The following JDP2 variants were observed in gnomAD, a reference collection of about 807,000 sequenced individuals.
The protein encoded by JDP2 is progesterone receptor co-activator.
Under a neutral mutation model 17.1 loss-of-function variants are expected in JDP2, and 9 were observed. The observed-to-expected ratio is 0.53, with a 90% CI of 0.32 to 0.92. The LOEUF is 0.92. Ranked by LOEUF, JDP2 falls within the 40% of genes least tolerant of loss-of-function variation. The pLI, the probability that JDP2 is intolerant of heterozygous loss-of-function variation, is 0.04. For missense variants in JDP2, 179 were observed against 220.0 expected, an observed-to-expected ratio of 0.81 and a Z score of 1.18; for synonymous variants, 107 against 95.6, an observed-to-expected ratio of 1.12 and a Z score of -0.69.
chr14:75,434,133 C>T (rs545024895), intron 1 of JDP2, among the ~76,000 whole-genome samples: 15 of 152,308 alleles, frequency 9.8e-5, no homozygotes, highest in African/African-American at 3.4e-4. Context: ...GGTGCTGCCA[C>T]CTCCACTGCC....
chr14:75,435,009 C>G (rs1272566032), intron 1 of JDP2, among the ~76,000 whole-genome samples: 1 of 152,246 alleles, frequency 6.6e-6, no homozygotes, highest in Non-Finnish European at 1.5e-5. Flanking sequence ...GGGCAACAAC[C>G]AGCCCTGACT....
chr14:75,431,981 G>C (rs1222715363), intron 1 of JDP2, among the ~76,000 whole-genome samples: 1 of 152,246 alleles, frequency 6.6e-6, no homozygotes, highest in Non-Finnish European at 1.5e-5. Flanking sequence ...TACAGCTGAG[G>C]AAAGAGAGGC....
rs374061598 is a variant in JDP2, at chr14:75,469,433, G to C, written c.450G>C (p.Glu150Asp). 15 of 1,614,104 alleles carry C rather than the reference G, an allele frequency of 9.3e-6. No individual in the cohort carries two copies. Among genetic ancestry groups the C allele is most frequent in the Non-Finnish European group, 1.3e-5 (15 of 1,180,004 alleles). Residue 150 changes from glutamate (E) to aspartate (D), a missense_variant, in exon 4 of 4, where the codon GAG (glutamate) becomes GAC (aspartate). Coordinates refer to ENST00000651602, the MANE Select transcript of JDP2 (RefSeq NM_001135048.2). The part of the protein sequence containing the change: ...IVRTDSVKTP[E>D]SEGNPLLEQL... The stretch of plus-strand genomic sequence containing the variant: ...GGACCGACAGTGTCAAGACCCCCGA[G>C]TCAGAAGGCAACCCACTGCTCGAGC...
chr14:75,440,855 C>T (rs571270088), intron 2 of JDP2, among the ~76,000 whole-genome samples: 2 of 152,338 alleles, frequency 1.3e-5, no homozygotes, highest in Admixed American at 6.5e-5. Context: ...GTTATACCCA[C>T]ATTACAGATG....
intron 3 of JDP2, among the ~76,000 whole-genome samples, chr14:75,462,420 T>C (rs1886381997): frequency 6.6e-6 from 1 of 152,184 alleles, no homozygotes; most frequent in African/African-American, 2.4e-5. Context: ...TAAAGTTGGG[T>C]GCTGTGCTGA....
At chr14:75,441,222 G>T (rs761158654) in intron 2 of JDP2, among the ~76,000 whole-genome samples, 1 of 152,178 alleles carries the variant, frequency 6.6e-6, no homozygotes, top group Non-Finnish European at 1.5e-5. Flanking sequence ...TGTTTGCCTT[G>T]CAGAGGCCAG....
At chr14:75,451,373 G>A (rs563463450) in intron 2 of JDP2, among the ~76,000 whole-genome samples, 3 of 151,894 alleles carry the variant, frequency 2.0e-5, no homozygotes, top group East Asian at 1.9e-4. Flanking sequence ...GATGGCTGGC[G>A]TGATCAAAAT....
At position 75,469,687 on chromosome 14, in the gene JDP2, C is replaced by T. The variant is rs1244267519; in HGVS notation, c.*212C>T. 20 of 557,698 alleles carry T rather than the reference C, an allele frequency of 3.6e-5. No homozygotes were observed. Among genetic ancestry groups the T allele is most frequent in the African/African-American group, 2.7e-4 (14 of 52,686 alleles). 34.5% of individuals were successfully genotyped at this position (557,698 alleles called of 1,614,324 possible). A position where few individuals can be genotyped will look rare whatever the true frequency, so the allele number is the denominator to read the frequency against. ...GCTGAGGAAACCCAGAGGGACCAAG[C>T]GCTGAGACCAAAGTTGACCCTCGGG... On this transcript the variant is annotated 3_prime_UTR_variant, in exon 4 of 4. Transcript: ENST00000651602.
In JDP2 at chr14:75,438,046, C is replaced by G; in HGVS notation, c.126C>G (p.Asn42Lys). ...AGCTGAAATACGCTGACATCCGCAA[C>G]CTCGGGGCCATGATTGCACCCTTGC... is the stretch of plus-strand genomic sequence containing the variant. Reference protein sequence around the residue: ...VEELKYADIRNLGAMIAPLHF... With the variant: ...VEELKYADIRKLGAMIAPLHF... Residue 42 changes from asparagine to lysine, a missense_variant, in exon 2 of 4, where the codon AAC (asparagine) becomes AAG (lysine). Transcript: ENST00000651602. The G allele has an allele frequency of 6.2e-7, 1 of 1,614,038 alleles. No individual in the cohort carries two copies. Among genetic ancestry groups the G allele is most frequent in the Non-Finnish European group, 8.5e-7 (1 of 1,179,968 alleles).
Position 75,430,535 on chromosome 14 carries a change from T to G in JDP2, c.-24+2283T>G, listed in dbSNP as rs930509201. ...AGGCAGGGGAGGGCAGCAGGCACAT[T>G]ATTTTTCCATTTTCCTTTAATTAAG... On this transcript the variant is annotated intron_variant, in intron 1 of 3. Coordinates refer to ENST00000651602, the MANE Select transcript of JDP2 (RefSeq NM_001135048.2). The surrounding 1 kb of genome is among the most constrained non-coding windows in gnomAD (Gnocchi z 4.5). Among the ~76,000 whole-genome samples the G allele has an allele frequency of 1.3e-5, 2 of 152,096 alleles. No individual in the cohort carries two copies. Among genetic ancestry groups the G allele is most frequent in the Non-Finnish European group, 2.9e-5 (2 of 68,022 alleles).
chr14:75,448,305 G>C (rs866871146), intron 2 of JDP2, among the ~76,000 whole-genome samples: 1 of 152,202 alleles, frequency 6.6e-6, no homozygotes. Context: ...TAGAAGTGCA[G>C]ATTCTTGGGT....
At chr14:75,467,366 G>T (rs1886608280) in intron 3 of JDP2, among the ~76,000 whole-genome samples, 1 of 152,152 alleles carries the variant, frequency 6.6e-6, no homozygotes, top group Admixed American at 6.5e-5. Context: ...TGAACCCTGG[G>T]TGGCTGTTGG....
At chr14:75,440,481 T>A (rs1885291915) in intron 2 of JDP2, among the ~76,000 whole-genome samples, 1 of 152,238 alleles carries the variant, frequency 6.6e-6, no homozygotes, top group South Asian at 2.1e-4. Flanking sequence ...CATATTGGCA[T>A]TTTAGACTAG....
At chr14:75,461,599 G>T (rs1886351687) in intron 3 of JDP2, 69 bp downstream of exon 3, 7 of 1,201,752 alleles carry the variant, frequency 5.8e-6, no homozygotes, top group Non-Finnish European at 8.4e-6. Context: ...TGGACCAGGA[G>T]AGGCCATCAG....
At chr14:75,431,599 C>T (rs576631753) in intron 1 of JDP2, among the ~76,000 whole-genome samples, 18 of 152,324 alleles carry the variant, frequency 1.2e-4, no homozygotes, top group African/African-American at 4.1e-4. Context: ...TAGAGGAAAC[C>T]GAGGCCGAGG....
intron 2 of JDP2, among the ~76,000 whole-genome samples, chr14:75,459,417 C>T (rs540629446): frequency 1.3e-5 from 2 of 152,108 alleles, no homozygotes; most frequent in African/African-American, 2.4e-5. Context: ...GTTGACGAGG[C>T]GCCTCTGCAG....
At chr14:75,441,153 G>C (rs759562210) in intron 2 of JDP2, among the ~76,000 whole-genome samples, 1 of 152,124 alleles carries the variant, frequency 6.6e-6, no homozygotes, top group South Asian at 2.1e-4. Context: ...GAGAGAGAGC[G>C]AGAGAGCGAG....
chr14:75,430,653 C>T lies in JDP2; in HGVS notation c.-24+2401C>T, dbSNP rs796642281. Among the ~76,000 whole-genome samples the T allele has an allele frequency of 1.4e-4, 21 of 152,214 alleles. No individual in the cohort carries two copies. Among genetic ancestry groups the T allele is most frequent in the African/African-American group, 4.6e-4 (19 of 41,518 alleles). On this transcript the variant is annotated intron_variant, in intron 1 of 3. Transcript: ENST00000651602. The surrounding 1 kb of genome is among the most constrained non-coding windows in gnomAD (Gnocchi z 4.5). ...TGGCTGCGTCCCGGGCCATATGCAG[C>T]GTATGGTGGCCAATGAAACCGGGCC...
intron 2 of JDP2, among the ~76,000 whole-genome samples, chr14:75,459,391 G>T (rs1007687033): frequency 6.6e-6 from 1 of 152,234 alleles, no homozygotes; most frequent in Non-Finnish European, 1.5e-5. Flanking sequence ...ACTGGGAGGT[G>T]CTTGGGTGTG....
Sources: allele counts gnomAD v4.1 joint callset (sites outside exome capture counted in the v4.1 genomes callset), GRCh38; gene constraint gnomAD v4.1.1; non-coding constraint Gnocchi (gnomAD v3.1); transcripts MANE v1.5; gene names NCBI Gene and HGNC (gene_info 2026-07-23, HGNC 2026-07-21).